The following PATJ variants were observed in gnomAD, a reference collection of about 807,000 sequenced individuals.
The protein encoded by PATJ is PATJ crumbs cell polarity complex component.
PATJ carries 190 observed loss-of-function variants against 224.9 expected under a neutral mutation model. That is an observed-to-expected ratio of 0.84 (90% CI 0.75 to 0.95). PATJ has a LOEUF of 0.95. PATJ is among the 40% of genes least tolerant of loss of function. The pLI is 0.00. For synonymous variants in PATJ, 769 were observed against 820.3 expected (o/e 0.94, Z 1.07); for missense variants, 2,121 against 2,270.3 (o/e 0.93, Z 1.34).
intron 22 of PATJ, 52 bp from the exon 23 acceptor site, chr1:61,899,531 A>G (rs1670828350): frequency 1.6e-6 from 2 of 1,261,616 alleles, no homozygotes; most frequent in Admixed American, 2.2e-5. Flanking sequence ...AGGACCTTTA[A>G]TAATGAGTAT....
At chr1:61,777,004 C>T (rs941318157) in intron 7 of PATJ, among the ~76,000 whole-genome samples, 3 of 151,844 alleles carry the variant, frequency 2.0e-5, no homozygotes, top group Non-Finnish European at 2.9e-5. Context: ...GGATTACAGG[C>T]GTGAGCCACC....
chr1:61,938,952 C>T (rs1311929666), intron 27 of PATJ, among the ~76,000 whole-genome samples: 1 of 151,066 alleles, frequency 6.6e-6, no homozygotes, highest in African/African-American at 2.4e-5. Context: ...AACACCGTCT[C>T]TACTAAATAT....
intron 31 of PATJ, among the ~76,000 whole-genome samples, chr1:62,070,706 G>A (rs1000434752): frequency 1.3e-5 from 2 of 152,080 alleles, no homozygotes; most frequent in African/African-American, 2.4e-5. Context: ...GGGCAGGGGA[G>A]CAGTCCTAGG....
At chr1:62,004,253 G>A (rs1558025673) in intron 28 of PATJ, among the ~76,000 whole-genome samples, 1 of 152,110 alleles carries the variant, frequency 6.6e-6, no homozygotes, top group Non-Finnish European at 1.5e-5. Context: ...CAGAGAATCT[G>A]GTACCTAGAA....
chr1:61,872,534 A>T (rs1666784659), intron 20 of PATJ, among the ~76,000 whole-genome samples: 2 of 152,242 alleles, frequency 1.3e-5, no homozygotes, highest in South Asian at 4.1e-4. Flanking sequence ...GCATCTGGTT[A>T]CCAGGCTGCT....
At chr1:61,815,788 G>C (rs1351718250) in intron 14 of PATJ, among the ~76,000 whole-genome samples, 1 of 152,176 alleles carries the variant, frequency 6.6e-6, no homozygotes, top group Non-Finnish European at 1.5e-5. Context: ...GGAGGTGAAA[G>C]CTATTTACAG....
intron 24 of PATJ, among the ~76,000 whole-genome samples, chr1:61,902,386 A>G (rs987488709): frequency 2.1e-4 from 32 of 151,922 alleles, no homozygotes; most frequent in Admixed American, 1.8e-3. Flanking sequence ...ACTGTTAATC[A>G]TGGTGTTTCA....
intron 27 of PATJ, among the ~76,000 whole-genome samples, chr1:61,989,372 A>G (rs1644939464): frequency 6.6e-6 from 1 of 152,228 alleles, no homozygotes; most frequent in Admixed American, 6.5e-5. Flanking sequence ...ATTGTTAGAT[A>G]TTGAGTAAAT....
Position 61,766,492 on chromosome 1 carries a change from A to T in PATJ, c.384+19A>T. On this transcript the variant is annotated intron_variant, in intron 4 of 43. Coordinates refer to ENST00000642238, the MANE Select transcript of PATJ (RefSeq NM_001350145.3). ...GGCTCAGGTAAAGTTGTATCTTCTC[A>T]TGGAAATATTTAGCTTCATTTCTCC... 3 of 1,534,586 alleles carry T rather than the reference A, an allele frequency of 2.0e-6. No homozygotes were observed. Among genetic ancestry groups the T allele is most frequent in the Non-Finnish European group, 1.8e-6 (2 of 1,132,346 alleles).
intron 16 of PATJ, among the ~76,000 whole-genome samples, chr1:61,829,443 G>A (rs1658921856): frequency 6.6e-6 from 1 of 152,120 alleles, no homozygotes; most frequent in Non-Finnish European, 1.5e-5. Flanking sequence ...AATCTTGCAA[G>A]GTGTGTAAAT....
At chr1:61,892,955 T>G (rs894942639) in intron 22 of PATJ, among the ~76,000 whole-genome samples, 1 of 152,226 alleles carries the variant, frequency 6.6e-6, no homozygotes, top group Non-Finnish European at 1.5e-5. Context: ...TTAGTGACAG[T>G]GCAAATTATA....
intron 1 of PATJ, among the ~76,000 whole-genome samples, chr1:61,752,891 A>G (rs1044416375): frequency 6.6e-6 from 1 of 152,156 alleles, no homozygotes; most frequent in Non-Finnish European, 1.5e-5. Context: ...GTATTTAGAA[A>G]AGTCTTGTTA....
rs112369537 is a variant in PATJ, at chr1:61,858,407, G to A, written c.2322+2168G>A. 4.9e-3 allele frequency among the ~76,000 whole-genome samples: 739 copies of A among 152,164 alleles called. 14 individuals are homozygous for A. The highest frequency in any genetic ancestry group is 0.017 in the African/African-American group (692 of 41,520). Reference sequence around the variant, plus strand: ...CCTTCAAGTAGCTGGGACTTCAGGCGCTCACCACCACGCTCAGCTAATTTT... The same window carrying A: ...CCTTCAAGTAGCTGGGACTTCAGGCACTCACCACCACGCTCAGCTAATTTT... On this transcript the variant is annotated intron_variant, in intron 18 of 43. Coordinates refer to ENST00000642238, the MANE Select transcript of PATJ (RefSeq NM_001350145.3).
At chr1:62,128,652 C>T (rs1665966898) in intron 40 of PATJ, among the ~76,000 whole-genome samples, 189 bp from the exon 41 acceptor site, 1 of 152,144 alleles carries the variant, frequency 6.6e-6, no homozygotes, top group South Asian at 2.1e-4. Flanking sequence ...TCTTGTTGCT[C>T]TGATTTGTCT....
chr1:61,971,988 C>G (rs1683046984), intron 27 of PATJ, among the ~76,000 whole-genome samples: 1 of 151,778 alleles, frequency 6.6e-6, no homozygotes, highest in African/African-American at 2.4e-5. Flanking sequence ...GACCTTATCT[C>G]AAAATAAATA....
chr1:61,844,710 A>C (rs1010043749), intron 17 of PATJ, among the ~76,000 whole-genome samples: 1 of 152,148 alleles, frequency 6.6e-6, no homozygotes, highest in African/African-American at 2.4e-5. Context: ...TATAATCCCC[A>C]TGTGTCAGGG....
At chr1:62,142,390 T>C (rs181064648) in intron 41 of PATJ, among the ~76,000 whole-genome samples, 7 of 152,316 alleles carry the variant, frequency 4.6e-5, no homozygotes, top group Admixed American at 2.0e-4. Flanking sequence ...TATCTCCTTG[T>C]AACCTCCATC....
At chr1:61,964,850 G>A (rs1324012557) in intron 27 of PATJ, among the ~76,000 whole-genome samples, 1 of 151,794 alleles carries the variant, frequency 6.6e-6, no homozygotes, top group Admixed American at 6.6e-5. Flanking sequence ...GGTGGCCGAT[G>A]CCTGTAATCC....
At chr1:61,802,653 T>C (rs1046415224) in intron 12 of PATJ, among the ~76,000 whole-genome samples, 1 of 152,218 alleles carries the variant, frequency 6.6e-6, no homozygotes, top group Non-Finnish European at 1.5e-5. Flanking sequence ...TTTTTCATTA[T>C]ACATGTTTTT....
Sources: allele counts gnomAD v4.1 joint callset (sites outside exome capture counted in the v4.1 genomes callset), GRCh38; gene constraint gnomAD v4.1.1; transcripts MANE v1.5; gene names NCBI Gene and HGNC (gene_info 2026-07-23, HGNC 2026-07-21).